The following MARCHF10 variants were observed in gnomAD, a reference collection of about 807,000 sequenced individuals.
MARCHF10 encodes membrane associated ring-CH-type finger 10, also known as probable E3 ubiquitin-protein ligase MARCHF10.
In MARCHF10, 64 loss-of-function variants were observed where a neutral mutation model predicts 76.2. That is an observed-to-expected ratio of 0.84 (90% CI 0.69 to 1.03). The LOEUF (loss-of-function observed/expected upper bound fraction) is 1.03, where lower values mean the gene tolerates loss of function less well. Ranked by LOEUF, MARCHF10 falls within the 50% of genes least tolerant of loss-of-function variation. MARCHF10 has a pLI of 0.00. For missense variants in MARCHF10, 875 were observed against 958.0 expected (o/e 0.91, Z 1.14); for synonymous variants, 340 against 357.5 (o/e 0.95, Z 0.55).
intron 3 of MARCHF10, among the ~76,000 whole-genome samples, chr17:62,775,574 A>T (rs1461766274): frequency 2.6e-5 from 4 of 151,764 alleles, no homozygotes; most frequent in Non-Finnish European, 5.9e-5. Flanking sequence ...TACACAAGTG[A>T]CTTTAGTTTC....
rs1245527076 is a variant in MARCHF10, at chr17:62,738,963, T to C, written c.536-1631A>G. On this transcript the variant is annotated intron_variant, in intron 5 of 10. Coordinates refer to ENST00000311269, the MANE Select transcript of MARCHF10 (RefSeq NM_152598.4). The surrounding 1 kb of genome is among the most constrained non-coding windows in gnomAD (Gnocchi z 4.0). ...GGCCGACCCCCATTTTGGGAACAAA[T>C]GCTTCTACGTAAGCAACTGAATTCT... 3.3e-5 allele frequency among the ~76,000 whole-genome samples: 5 copies of C among 152,164 alleles called. No homozygotes were observed. The highest frequency in any genetic ancestry group is 1.3e-4 in the Admixed American group (2 of 15,278).
At chr17:62,740,991 C>T (rs2091484040) in intron 5 of MARCHF10, among the ~76,000 whole-genome samples, 1 of 152,098 alleles carries the variant, frequency 6.6e-6, no homozygotes, top group African/African-American at 2.4e-5. Context: ...TGTAGCTTAC[C>T]ACAGGCTCCA....
In MARCHF10 at chr17:62,736,089, C is replaced by T. The variant is rs1568131103; in HGVS notation, c.1779G>A (p.Gly593=). The part of the protein sequence containing the change: ...MNSEGHLHVS[G]SLQENTPFTF... Reference sequence around the variant, plus strand: ...TAAATGGTGTATTTTCTTGCAGAGACCCAGACACATGCAAATGGCCTTCTG... The same window carrying T: ...TAAATGGTGTATTTTCTTGCAGAGATCCAGACACATGCAAATGGCCTTCTG... The change falls in exon 6 of 11, where the codon GGG becomes GGA. Residue 593 remains glycine (G), a synonymous_variant. Transcript: ENST00000311269. The T allele has an allele frequency of 1.2e-6, 2 of 1,614,158 alleles. No homozygotes were observed.
chr17:62,727,332 A>G (rs550994953), intron 6 of MARCHF10, among the ~76,000 whole-genome samples: 1 of 152,300 alleles, frequency 6.6e-6, no homozygotes, highest in South Asian at 2.1e-4. Flanking sequence ...AAAGAAAAGG[A>G]GAATCAAGCA....
intron 2 of MARCHF10, among the ~76,000 whole-genome samples, chr17:62,791,926 G>A (rs1055818833): frequency 2.0e-5 from 3 of 152,050 alleles, no homozygotes; most frequent in South Asian, 2.1e-4. Flanking sequence ...AACCAATAGC[G>A]GCTTCCCTTA....
In MARCHF10 at chr17:62,747,170, G is replaced by A. The variant is rs117832571; in HGVS notation, c.383-2642C>T. On this transcript the variant is annotated intron_variant, in intron 4 of 10. Coordinates refer to ENST00000311269, the MANE Select transcript of MARCHF10 (RefSeq NM_152598.4). ...CAGGACAAGTATTAATTGCCTTGTC[G>A]TGCAGGACAAATATTAGTATGATTT... Among the ~76,000 whole-genome samples the A allele has an allele frequency of 2.9e-3, 436 of 152,260 alleles. 3 individuals are homozygous for A. The highest frequency in any genetic ancestry group is 4.3e-3 in the Non-Finnish European group (291 of 68,030).
chr17:62,739,804 A>C lies in MARCHF10; in HGVS notation c.536-2472T>G, dbSNP rs80300833. ...CCCATCCCTGTGAGGAGAAACACCC[A>C]ATGGGCAAAAGAATCAGCAAGGGCC... is the stretch of plus-strand genomic sequence containing the variant. On this transcript the variant is annotated intron_variant, in intron 5 of 10. Coordinates refer to ENST00000311269, the MANE Select transcript of MARCHF10 (RefSeq NM_152598.4). Among the ~76,000 whole-genome samples the C allele has an allele frequency of 7.6e-3, 1,160 of 152,328 alleles. 15 individuals carry two copies. Among genetic ancestry groups the C allele is most frequent in the African/African-American group, 0.027 (1,110 of 41,562 alleles).
At chr17:62,764,968 G>T (rs1173623370) in intron 3 of MARCHF10, among the ~76,000 whole-genome samples, 2 of 152,148 alleles carry the variant, frequency 1.3e-5, no homozygotes, top group African/African-American at 4.8e-5. Flanking sequence ...ACTCTCATCT[G>T]TCTCCCCTAT....
intron 2 of MARCHF10, among the ~76,000 whole-genome samples, chr17:62,794,324 G>A (rs1050570414): frequency 1.3e-5 from 2 of 152,198 alleles, no homozygotes; most frequent in African/African-American, 4.8e-5. Context: ...ACCAGCAGCT[G>A]TCACAGCCTT....
At position 62,798,387 on chromosome 17, in the gene MARCHF10, G is replaced by T. The variant is rs368957934; in HGVS notation, c.90+3259C>A. On this transcript the variant is annotated intron_variant, in intron 2 of 10. Coordinates refer to ENST00000311269, the MANE Select transcript of MARCHF10 (RefSeq NM_152598.4). ...GCCTATAATCCCAGCACTTTGGGAG[G>T]CTGAGACAGGAGGATGACCTGAGGC... is the stretch of plus-strand genomic sequence containing the variant. Among the ~76,000 whole-genome samples the T allele has an allele frequency of 9.2e-5, 14 of 151,746 alleles. No individual in the cohort carries two copies. In the East Asian group the frequency reaches 1.9e-3, roughly 21 times the overall value.
At chr17:62,742,027 T>TC (rs2091532039) in intron 5 of MARCHF10, among the ~76,000 whole-genome samples, 1 of 148,822 alleles carries the variant, frequency 6.7e-6, no homozygotes, top group Non-Finnish European at 1.5e-5. Flanking sequence ...TTTTTTTCTT[T>TC]TTTTTTTTTG....
chr17:62,785,945 CA>C (rs2092738422), intron 3 of MARCHF10, among the ~76,000 whole-genome samples: 2 of 152,152 alleles, frequency 1.3e-5, no homozygotes, highest in African/African-American at 4.8e-5. Flanking sequence ...TAAATTAGTT[CA>C]ACCATTGTTG....
intron 3 of MARCHF10, among the ~76,000 whole-genome samples, chr17:62,780,502 G>A (rs1360085908): frequency 6.6e-6 from 1 of 152,078 alleles, no homozygotes; most frequent in African/African-American, 2.4e-5. Flanking sequence ...AGCACACTGG[G>A]CCAGGCCTGG....
intron 2 of MARCHF10, among the ~76,000 whole-genome samples, chr17:62,795,511 T>C (rs1395079915): frequency 3.9e-5 from 6 of 152,192 alleles, no homozygotes; most frequent in Non-Finnish European, 7.3e-5. Context: ...TTTCCTCTTG[T>C]TTTCTCAAAA....
intron 9 of MARCHF10, among the ~76,000 whole-genome samples, chr17:62,708,243 C>CTTTTTTTTTTTTTTTTT (rs60147578): frequency 6.9e-6 from 1 of 144,568 alleles, no homozygotes; most frequent in Non-Finnish European, 1.5e-5. Context: ...AAAGTAGGTT[C>CTTTTTTTTTTTTTTTTT]TTTTTTTTTT....
At chr17:62,749,926 G>A (rs1161362746) in intron 4 of MARCHF10, 1 of 152,306 alleles carries the variant, frequency 6.6e-6, no homozygotes, top group Non-Finnish European at 1.5e-5. Context: ...GTTTCTGGGG[G>A]TGACATTGCA....
chr17:62,793,729 C>T (rs1253320854), intron 2 of MARCHF10, among the ~76,000 whole-genome samples: 3 of 149,572 alleles, frequency 2.0e-5, no homozygotes, highest in African/African-American at 7.4e-5. Flanking sequence ...CCATCACCAC[C>T]ACCGCCTCCA....
chr17:62,701,455 G>T lies in MARCHF10; in HGVS notation c.*248C>A. 1 of 864,432 alleles carries T rather than the reference G, an allele frequency of 1.2e-6. No individual in the cohort carries two copies. The highest frequency in any genetic ancestry group is 1.7e-6 in the Non-Finnish European group (1 of 592,836). The allele number at this position is 864,432 out of a possible 1,614,324, so 53.5% of individuals were successfully genotyped here. ...TTCTGGGCTAAGGGGGCAGCACCAGGCCAGCCTGCCAGGGGCTCCACAGTC... is the reference window on the plus strand; with the variant it reads ...TTCTGGGCTAAGGGGGCAGCACCAGTCCAGCCTGCCAGGGGCTCCACAGTC... On this transcript the variant is annotated 3_prime_UTR_variant, in exon 11 of 11. Transcript: ENST00000311269.
intron 3 of MARCHF10, among the ~76,000 whole-genome samples, chr17:62,784,929 C>T (rs1016902137): frequency 6.6e-6 from 1 of 152,100 alleles, no homozygotes; most frequent in Non-Finnish European, 1.5e-5. Context: ...GAATCAATAT[C>T]ATGAAAATTG....
Sources: gnomAD v4.1 joint callset for allele counts (sites outside exome capture counted in the v4.1 genomes callset) on GRCh38, gnomAD v4.1.1 for gene constraint, Gnocchi (gnomAD v3.1) non-coding constraint, MANE v1.5 for transcripts, NCBI Gene and HGNC (gene_info 2026-07-23, HGNC 2026-07-21) for gene names.